Variants in GABRG3 observed in about 807,000 individuals in gnomAD.
GABRG3 encodes the protein gamma-aminobutyric acid receptor subunit gamma-3.
A neutral mutation model predicts 48.8 loss-of-function variants in GABRG3; 25 were observed. The ratio of observed to expected loss-of-function variants is 0.51; its 90% CI spans 0.37 to 0.72. The LOEUF (loss-of-function observed/expected upper bound fraction) is 0.72. GABRG3 is among the 30% of genes least tolerant of loss of function. The probability of loss-of-function intolerance (pLI) is 0.00; values close to 1 mark genes in which losing one functional copy is unlikely to be tolerated. For synonymous variants in GABRG3, 227 were observed against 217.6 expected (o/e 1.04, Z -0.38); for missense variants, 394 against 577.9 (o/e 0.68, Z 3.26).
chr15:27,503,975 A>G (rs1011462693), intron 6 of GABRG3, among the ~76,000 whole-genome samples: 1 of 152,182 alleles, frequency 6.6e-6, no homozygotes, highest in Non-Finnish European at 1.5e-5. Context: ...CTTCCAGATT[A>G]ATATAGGCTC....
chr15:27,319,496 C>T lies in GABRG3; in HGVS notation c.271-7313C>T, dbSNP rs1047679242. Among the ~76,000 whole-genome samples the T allele has an allele frequency of 3.9e-5, 6 of 152,116 alleles. No homozygotes were observed. The highest frequency in any genetic ancestry group is 6.6e-5 in the Admixed American group (1 of 15,266). ...GCGGAATTTGCGGATAATTGTGATA[C>T]GGCAGTTGAAGACATAGAGTGTTAA... On this transcript the variant is annotated intron_variant, in intron 3 of 9. Coordinates refer to ENST00000615808, the MANE Select transcript of GABRG3 (RefSeq NM_033223.5). The surrounding 1 kb of genome is among the most constrained non-coding windows in gnomAD (Gnocchi z 4.4).
At chr15:26,979,541 T>TA (rs1011081036) in intron 2 of GABRG3, among the ~76,000 whole-genome samples, 1 of 151,996 alleles carries the variant, frequency 6.6e-6, no homozygotes, top group East Asian at 1.9e-4. Context: ...TCTGATACAT[T>TA]AAAAAAAAGT....
At chr15:27,320,563 A>G (rs1595674994) in intron 3 of GABRG3, among the ~76,000 whole-genome samples, 1 of 152,188 alleles carries the variant, frequency 6.6e-6, no homozygotes, top group South Asian at 2.1e-4. Flanking sequence ...AAACTTCTAA[A>G]AACTATTTAT....
At chr15:27,193,708 C>T (rs2140424388) in intron 3 of GABRG3, among the ~76,000 whole-genome samples, 1 of 152,218 alleles carries the variant, frequency 6.6e-6, no homozygotes, top group South Asian at 2.1e-4. Flanking sequence ...TCGGCTTGTG[C>T]ACGGTGCGCT....
At chr15:27,052,922 T>C (rs1025838538) in intron 3 of GABRG3, among the ~76,000 whole-genome samples, 3 of 152,132 alleles carry the variant, frequency 2.0e-5, no homozygotes, top group African/African-American at 7.2e-5. Context: ...GAAAGGACTC[T>C]CTGTTCAGTA....
At chr15:27,064,119 G>A (rs941325858) in intron 3 of GABRG3, among the ~76,000 whole-genome samples, 5 of 151,964 alleles carry the variant, frequency 3.3e-5, no homozygotes, top group African/African-American at 4.8e-5. Context: ...AACTGGACAC[G>A]TAGTGGGGTG....
chr15:27,241,923 A>C (rs1452522105), intron 3 of GABRG3, among the ~76,000 whole-genome samples: 1 of 152,234 alleles, frequency 6.6e-6, no homozygotes, highest in Non-Finnish European at 1.5e-5. Context: ...TTAAGAATTG[A>C]ATTTGACAAA....
chr15:27,086,116 G>GT lies in GABRG3; in HGVS notation c.270+59312dup, dbSNP rs5811477. 8.1e-3 allele frequency among the ~76,000 whole-genome samples: 1,129 copies of GT among 139,484 alleles called. 5 individuals carry two copies. Among genetic ancestry groups the GT allele is most frequent in the South Asian group, 0.011 (44 of 4,166 alleles). The allele number at this position is 139,484 out of a possible 152,430, so 91.5% of individuals were successfully genotyped here. ...AATTGAACCTTTTGGAGTTTTGGCAGTTTTTTTTTTTTTTTTTCTTGTAAA... is the reference window on the plus strand; with the variant it reads ...AATTGAACCTTTTGGAGTTTTGGCAGTTTTTTTTTTTTTTTTTTCTTGTAAA... On this transcript the variant is annotated intron_variant, in intron 3 of 9. Coordinates refer to ENST00000615808, the MANE Select transcript of GABRG3 (RefSeq NM_033223.5).
chr15:27,231,181 G>A (rs1889786784), intron 3 of GABRG3, among the ~76,000 whole-genome samples: 1 of 152,130 alleles, frequency 6.6e-6, no homozygotes, highest in South Asian at 2.1e-4. Flanking sequence ...CTACACTGGA[G>A]CTATTGTATC....
intron 3 of GABRG3, among the ~76,000 whole-genome samples, chr15:27,322,240 G>A (rs1303876115): frequency 6.6e-6 from 1 of 152,198 alleles, no homozygotes; most frequent in Non-Finnish European, 1.5e-5. Flanking sequence ...ACCATGCATA[G>A]CCTCACTCTG....
chr15:27,373,768 G>A (rs142241096), intron 5 of GABRG3, among the ~76,000 whole-genome samples: 2 of 152,086 alleles, frequency 1.3e-5, no homozygotes, highest in Non-Finnish European at 2.9e-5. Context: ...GATGATTTAT[G>A]ATTAAAACAT....
Position 27,232,480 on chromosome 15 carries a change from G to A in GABRG3, c.271-94329G>A, listed in dbSNP as rs568145662. On this transcript the variant is annotated intron_variant, in intron 3 of 9. Transcript: ENST00000615808. ...ACCCATGTCTCCATGAATAAAGTTA[G>A]CATGTGGCCAACTCACTGGATTGAA... 3.3e-5 allele frequency among the ~76,000 whole-genome samples: 5 copies of A among 152,286 alleles called. No individual in the cohort carries two copies. In the South Asian group the frequency reaches 8.3e-4, roughly 25 times the overall value.
intron 3 of GABRG3, among the ~76,000 whole-genome samples, chr15:27,048,661 A>G (rs749191710): frequency 6.6e-6 from 1 of 152,192 alleles, no homozygotes; most frequent in Non-Finnish European, 1.5e-5. Flanking sequence ...GTGGGCAGGC[A>G]TTGTCAATTT....
At chr15:27,415,224 T>C (rs1887906842) in intron 5 of GABRG3, among the ~76,000 whole-genome samples, 1 of 152,136 alleles carries the variant, frequency 6.6e-6, no homozygotes, top group Non-Finnish European at 1.5e-5. Flanking sequence ...TGTTCCATTA[T>C]TTCTGTTTTT....
At position 27,038,253 on chromosome 15, in the gene GABRG3, G is replaced by A. The variant is rs73367778; in HGVS notation, c.270+11432G>A. 3.6e-3 allele frequency among the ~76,000 whole-genome samples: 551 copies of A among 152,280 alleles called. 5 individuals carry two copies. Among genetic ancestry groups the A allele is most frequent in the African/African-American group, 0.013 (521 of 41,554 alleles). Reference sequence around the variant, plus strand: ...AGATCAAGGTGCTGGCAGGTGCAGCGTATGGTGAGGGCTGCTCTCTGCTTC... The same window carrying A: ...AGATCAAGGTGCTGGCAGGTGCAGCATATGGTGAGGGCTGCTCTCTGCTTC... On this transcript the variant is annotated intron_variant, in intron 3 of 9. Transcript: ENST00000615808.
intron 9 of GABRG3, among the ~76,000 whole-genome samples, chr15:27,531,495 G>A (rs911929677): frequency 6.6e-6 from 1 of 152,220 alleles, no homozygotes; most frequent in Non-Finnish European, 1.5e-5. Context: ...TCCCAGCAGT[G>A]TGCCACACCC....
At chr15:27,524,710 A>G (rs184511639) in intron 7 of GABRG3, among the ~76,000 whole-genome samples, 1 of 152,266 alleles carries the variant, frequency 6.6e-6, no homozygotes, top group African/African-American at 2.4e-5. Flanking sequence ...ACAAAGAGTG[A>G]CACGCCTCAA....
chr15:27,318,421 G>A (rs1893305409), intron 3 of GABRG3, among the ~76,000 whole-genome samples: 1 of 152,050 alleles, frequency 6.6e-6, no homozygotes, highest in South Asian at 2.1e-4. Context: ...AGGGAGATGG[G>A]GGAAAGACTG....
intron 5 of GABRG3, among the ~76,000 whole-genome samples, chr15:27,370,948 C>G (rs148847680): frequency 1.3e-3 from 196 of 152,274 alleles, no homozygotes; most frequent in Non-Finnish European, 1.7e-3. Context: ...TCACTGCTCT[C>G]CCTGCTCCTT....
Sources: allele counts gnomAD v4.1 joint callset (sites outside exome capture counted in the v4.1 genomes callset), GRCh38; gene constraint gnomAD v4.1.1; non-coding constraint Gnocchi (gnomAD v3.1); transcripts MANE v1.5; gene names NCBI Gene and HGNC (gene_info 2026-07-23, HGNC 2026-07-21).